Variants in STON1 observed in about 807,000 individuals in gnomAD.
STON1 encodes the protein stonin-1.
A neutral mutation model predicts 60.9 loss-of-function variants in STON1; 79 were observed. The observed-to-expected ratio is 1.30, with a 90% CI of 1.08 to 1.56. STON1 has a LOEUF of 1.56. STON1 is among the 40% of genes most tolerant of loss of function. The pLI is 0.00. For synonymous variants in STON1, 363 were observed against 306.9 expected (o/e 1.18, Z -1.91); for missense variants, 1,166 against 858.9 (o/e 1.36, Z -4.47).
chr2:48,554,616 A>G (rs2103800561), intron 1 of STON1, among the ~76,000 whole-genome samples: 1 of 152,248 alleles, frequency 6.6e-6, no homozygotes, highest in Admixed American at 6.5e-5. Context: ...AGATCTGTAA[A>G]TTTACATATA....
chr2:48,593,294 T>C (rs1674629181), intron 3 of STON1, among the ~76,000 whole-genome samples: 1 of 151,558 alleles, frequency 6.6e-6, no homozygotes, highest in South Asian at 2.1e-4. Context: ...TTTTTGTGTT[T>C]ATAGTAGAGA....
At chr2:48,546,248 G>A (rs1406400156) in intron 1 of STON1, among the ~76,000 whole-genome samples, 2 of 152,162 alleles carry the variant, frequency 1.3e-5, no homozygotes, top group African/African-American at 4.8e-5. Flanking sequence ...GCTCTATCGT[G>A]AGACAGAATG....
intron 2 of STON1, among the ~76,000 whole-genome samples, chr2:48,587,634 A>C (rs1223702445): frequency 6.6e-6 from 1 of 152,192 alleles, no homozygotes; most frequent in Non-Finnish European, 1.5e-5. Flanking sequence ...AAGAACAATG[A>C]CAAGAATGGA....
At chr2:48,592,068 TC>T (rs1674551577) in intron 3 of STON1, among the ~76,000 whole-genome samples, 1 of 152,042 alleles carries the variant, frequency 6.6e-6, no homozygotes, top group Non-Finnish European at 1.5e-5. Flanking sequence ...ATAATTTAGC[TC>T]TCAATGAAAA....
At chr2:48,577,879 G>T (rs1394677016) in intron 1 of STON1, among the ~76,000 whole-genome samples, 1 of 151,296 alleles carries the variant, frequency 6.6e-6, no homozygotes, top group Non-Finnish European at 1.5e-5. Context: ...GCCTCCCAAA[G>T]TGCTGGGATT....
chr2:48,533,806 G>A (rs1438276839), intron 1 of STON1, among the ~76,000 whole-genome samples: 1 of 121,878 alleles, frequency 8.2e-6, no homozygotes, highest in Non-Finnish European at 1.6e-5. Flanking sequence ...TTTTGCTCTC[G>A]TTGCCCAGGC....
intron 1 of STON1, chr2:48,530,662 C>T (rs1671173091): frequency 6.5e-6 from 1 of 152,954 alleles, no homozygotes; most frequent in African/African-American, 2.4e-5. Context: ...CCTCCTCCTT[C>T]TGACTGCTGT....
At chr2:48,567,039 T>C (rs1442342330) in intron 1 of STON1, among the ~76,000 whole-genome samples, 1 of 151,552 alleles carries the variant, frequency 6.6e-6, no homozygotes, top group African/African-American at 2.4e-5. Flanking sequence ...GGCACCCAAG[T>C]TTATGCTGGA....
At chr2:48,564,427 TC>T (rs1672752261) in intron 1 of STON1, among the ~76,000 whole-genome samples, 1 of 43,622 alleles carries the variant, frequency 2.3e-5, no homozygotes, top group Non-Finnish European at 5.1e-5. Context: ...TTCTTCTTCT[TC>T]TTCTTCTTCT....
chr2:48,538,534 CTCTA>C (rs147180941), intron 1 of STON1, among the ~76,000 whole-genome samples: 17,329 of 151,898 alleles, frequency 0.11, 1,296 homozygotes, highest in Middle Eastern at 0.26. Flanking sequence ...TAAATATTGC[CTCTA>C]TCTTTTTTGT....
In STON1 at chr2:48,581,533, A is replaced by G. The variant is rs767101069; in HGVS notation, c.900A>G (p.Lys300=). The G allele has an allele frequency of 6.2e-7, 1 of 1,614,228 alleles. No individual in the cohort carries two copies. The highest frequency in any genetic ancestry group is 8.5e-7 in the Non-Finnish European group (1 of 1,180,040). ...SSRQWGPIFL[K]VLPGGILQMY... is the part of the protein sequence containing the mutation. ...GGCAATGGGGACCAATTTTTCTGAAAGTTTTGCCTGGAGGAATTTTGCAGA... is the reference window on the plus strand; with the variant it reads ...GGCAATGGGGACCAATTTTTCTGAAGGTTTTGCCTGGAGGAATTTTGCAGA... The change falls in exon 2 of 4, where the codon AAA becomes AAG. Residue 300 remains lysine (K), a synonymous_variant. Coordinates refer to ENST00000404752, the MANE Select transcript of STON1 (RefSeq NM_006873.4).
chr2:48,597,847 AC>A lies in STON1; in HGVS notation c.*2546del, dbSNP rs1674846590. The A allele has an allele frequency of 6.6e-6, 1 of 152,280 alleles. No homozygotes were observed. The highest frequency in any genetic ancestry group is 2.4e-5 in the African/African-American group (1 of 41,440). 9.4% of individuals were successfully genotyped at this position (152,280 alleles called of 1,614,324 possible). A position where few individuals can be genotyped will look rare whatever the true frequency, so the allele number is the denominator to read the frequency against. On this transcript the variant is annotated 3_prime_UTR_variant, in exon 4 of 4. Transcript: ENST00000404752. Reference sequence around the variant, plus strand: ...GCAGAAGGTCAGATGTGACTACAGAACTCTAGGTGAAAAATCAGGTAGGGTT... The same window carrying A: ...GCAGAAGGTCAGATGTGACTACAGAATCTAGGTGAAAAATCAGGTAGGGTT...
At chr2:48,564,563 T>TCTC (rs1558605603) in intron 1 of STON1, among the ~76,000 whole-genome samples, 6 of 28,366 alleles carry the variant, frequency 2.1e-4, no homozygotes, top group African/African-American at 5.2e-4. Context: ...TTCTTCTTCT[T>TCTC]CTTCTCCTTC....
At chr2:48,564,486 C>G (rs1558604873) in intron 1 of STON1, among the ~76,000 whole-genome samples, 2 of 24,682 alleles carry the variant, frequency 8.1e-5, no homozygotes, top group Admixed American at 3.8e-4. Flanking sequence ...CTTCTTTCTT[C>G]TTCTTCTTCT....
intron 1 of STON1, among the ~76,000 whole-genome samples, chr2:48,534,638 G>C (rs1349954610): frequency 2.0e-5 from 3 of 152,018 alleles, no homozygotes; most frequent in Non-Finnish European, 4.4e-5. Flanking sequence ...GCACAAATTA[G>C]TCAGGCATGG....
At chr2:48,538,980 C>T (rs566928092) in intron 1 of STON1, among the ~76,000 whole-genome samples, 1 of 151,842 alleles carries the variant, frequency 6.6e-6, no homozygotes, top group South Asian at 2.1e-4. Context: ...TGCAGCGGCA[C>T]CATCATAGCT....
chr2:48,579,848 C>T (rs543646024), intron 1 of STON1, among the ~76,000 whole-genome samples: 30 of 152,228 alleles, frequency 2.0e-4, no homozygotes, highest in Middle Eastern at 3.4e-3. Flanking sequence ...CTATCTATTT[C>T]TCTCTTCAGT....
chr2:48,579,787 C>T (rs1673764357), intron 1 of STON1, among the ~76,000 whole-genome samples: 1 of 152,112 alleles, frequency 6.6e-6, no homozygotes, highest in Non-Finnish European at 1.5e-5. Flanking sequence ...TCTGGATGTT[C>T]TGTGTATTGT....
chr2:48,567,515 G>A (rs1301907685), intron 1 of STON1, among the ~76,000 whole-genome samples: 2 of 152,130 alleles, frequency 1.3e-5, no homozygotes, highest in East Asian at 3.9e-4. Context: ...GTGTTCAAGC[G>A]ATTCTCCTGC....
Sources: gnomAD v4.1 joint callset for allele counts (sites outside exome capture counted in the v4.1 genomes callset) on GRCh38, gnomAD v4.1.1 for gene constraint, MANE v1.5 for transcripts, NCBI Gene and HGNC (gene_info 2026-07-23, HGNC 2026-07-21) for gene names.